Variants in KCNC2 observed in about 807,000 individuals in gnomAD.
KCNC2 encodes the protein potassium voltage-gated channel subfamily C member 2.
KCNC2 carries 21 observed loss-of-function variants against 44.5 expected under a neutral mutation model. The observed-to-expected ratio is 0.47, with a 90% confidence interval of 0.33 to 0.68. The LOEUF is 0.68. KCNC2 is among the 30% of genes least tolerant of loss of function. The probability of loss-of-function intolerance (pLI) is 0.01; values close to 1 mark genes in which losing one functional copy is unlikely to be tolerated. For missense variants in KCNC2, 589 were observed against 826.2 expected, an observed-to-expected ratio of 0.71 and a Z score of 3.52; for synonymous variants, 391 against 339.1, an observed-to-expected ratio of 1.15 and a Z score of -1.68.
chr12:75,128,460 T>G (rs989292789), intron 2 of KCNC2, among the ~76,000 whole-genome samples: 1 of 152,194 alleles, frequency 6.6e-6, no homozygotes, highest in African/African-American at 2.4e-5. Flanking sequence ...TAGTTTTAAC[T>G]GTAAGAACCT....
rs571407578 is a variant in KCNC2 at position 75,174,323 on chromosome 12, T to C, written c.687+32974A>G. 4.3e-4 allele frequency among the ~76,000 whole-genome samples: 65 copies of C among 152,032 alleles called. 1 individual carries two copies. Among genetic ancestry groups the C allele is most frequent in the African/African-American group, 1.6e-3 (65 of 41,514 alleles). Reference sequence around the variant, plus strand: ...TCGGAATTATTGAATTTACTAAATATGTGGCTAAAATGTCATAAAATGAAT... The same window carrying C: ...TCGGAATTATTGAATTTACTAAATACGTGGCTAAAATGTCATAAAATGAAT... On this transcript the variant is annotated intron_variant, in intron 2 of 4. Transcript: ENST00000549446.
chr12:75,164,928 T>G lies in KCNC2; in HGVS notation c.687+42369A>C, dbSNP rs142108157. On this transcript the variant is annotated intron_variant, in intron 2 of 4. Coordinates refer to ENST00000549446, the MANE Select transcript of KCNC2 (RefSeq NM_139137.4). Reference sequence around the variant, plus strand: ...TTTCCAAGTGTGTGCTTCCTTAACATTAGTACCAAAGTGTCCACCAACCTA... The same window carrying G: ...TTTCCAAGTGTGTGCTTCCTTAACAGTAGTACCAAAGTGTCCACCAACCTA... 1.9e-3 allele frequency among the ~76,000 whole-genome samples: 293 copies of G among 151,812 alleles called. 2 individuals carry two copies. The highest frequency in any genetic ancestry group is 6.7e-3 in the African/African-American group (277 of 41,496).
rs549916593 is a variant in KCNC2 at position 75,203,420 on chromosome 12, A to G, written c.687+3877T>C. ...TGCTAATAATATGAATATTTTCAAG[A>G]TTTAAAAAATGATAGATTCGCTATC... On this transcript the variant is annotated intron_variant, in intron 2 of 4. Transcript: ENST00000549446. Among the ~76,000 whole-genome samples, 5 of 151,966 alleles carry G rather than the reference A, an allele frequency of 3.3e-5. No individual in the cohort carries two copies. In the East Asian group the frequency reaches 9.6e-4, roughly 29 times the overall value.
chr12:75,105,920 T>TC (rs1473315284), intron 2 of KCNC2, among the ~76,000 whole-genome samples: 1 of 151,914 alleles, frequency 6.6e-6, no homozygotes, highest in Non-Finnish European at 1.5e-5. Flanking sequence ...TCTTTCTTTT[T>TC]TTTTTTAGAC....
chr12:75,138,979 T>TAAAAAAAAAAAAAAAAAAAAACA (rs1889438592), intron 2 of KCNC2, among the ~76,000 whole-genome samples: 1 of 77,928 alleles, frequency 1.3e-5, no homozygotes, highest in Non-Finnish European at 2.5e-5. Flanking sequence ...AGACTCCGTG[T>TAAAAAAAAAAAAAAAAAAAAACA]AAAAAAAAAA....
intron 2 of KCNC2, among the ~76,000 whole-genome samples, chr12:75,147,017 A>C (rs1890071974): frequency 6.6e-6 from 1 of 152,226 alleles, no homozygotes; most frequent in Non-Finnish European, 1.5e-5. Flanking sequence ...CTTTATACTT[A>C]GAAAATACAG....
At chr12:75,065,743 T>A (rs1005602151) in intron 2 of KCNC2, among the ~76,000 whole-genome samples, 1 of 152,100 alleles carries the variant, frequency 6.6e-6, no homozygotes, top group African/African-American at 2.4e-5. Context: ...TGTTCACACA[T>A]AACAACAATG....
intron 2 of KCNC2, among the ~76,000 whole-genome samples, chr12:75,189,721 T>A (rs2030009893): frequency 6.6e-6 from 1 of 152,156 alleles, no homozygotes; most frequent in Non-Finnish European, 1.5e-5. Flanking sequence ...GCATTCAGAG[T>A]GAAGTTAGGC....
At chr12:75,051,360 T>G (rs1881150738) in intron 2 of KCNC2, 43 bp from the exon 3 acceptor site, 2 of 1,081,214 alleles carry the variant, frequency 1.8e-6, no homozygotes. Flanking sequence ...GTGATCTGAA[T>G]CGTAATATAT....
chr12:75,070,214 C>G (rs71460118), intron 2 of KCNC2, among the ~76,000 whole-genome samples: 24,904 of 151,942 alleles, frequency 0.16, 2,411 homozygotes, highest in Admixed American at 0.26. Context: ...TTTTGGGAAG[C>G]CGAGGCAGGC....
At chr12:75,099,026 AT>A (rs1232389954) in intron 2 of KCNC2, among the ~76,000 whole-genome samples, 16 of 152,102 alleles carry the variant, frequency 1.1e-4, no homozygotes, top group Admixed American at 1.0e-3. Context: ...GTGAGCAAAA[AT>A]ATCTTCTATT....
chr12:75,143,081 A>G (rs928869594), intron 2 of KCNC2, among the ~76,000 whole-genome samples: 4 of 152,146 alleles, frequency 2.6e-5, no homozygotes, highest in African/African-American at 9.7e-5. Flanking sequence ...GGTCCGTCTC[A>G]GAGGCCTTTA....
chr12:75,189,009 T>C (rs1477093779), intron 2 of KCNC2, among the ~76,000 whole-genome samples: 1 of 152,186 alleles, frequency 6.6e-6, no homozygotes, highest in African/African-American at 2.4e-5. Context: ...TTGAGAATAG[T>C]TAAGAGTTGA....
intron 2 of KCNC2, among the ~76,000 whole-genome samples, chr12:75,185,263 A>G (rs1185139630): frequency 2.6e-5 from 4 of 152,158 alleles, no homozygotes; most frequent in African/African-American, 9.6e-5. Context: ...GTGATTGATA[A>G]GTTTCAGTTA....
chr12:75,195,277 G>T (rs2030664010), intron 2 of KCNC2, among the ~76,000 whole-genome samples: 1 of 151,960 alleles, frequency 6.6e-6, no homozygotes, highest in Non-Finnish European at 1.5e-5. Flanking sequence ...ATCTTAACTG[G>T]CATACTCAGC....
intron 2 of KCNC2, among the ~76,000 whole-genome samples, chr12:75,119,064 G>T (rs1158839609): frequency 1.3e-5 from 2 of 152,150 alleles, no homozygotes; most frequent in African/African-American, 4.8e-5. Flanking sequence ...AAATTACAAA[G>T]AATAAAACAA....
chr12:75,133,696 GT>G (rs767092260), intron 2 of KCNC2, among the ~76,000 whole-genome samples: 21 of 151,900 alleles, frequency 1.4e-4, no homozygotes, highest in Non-Finnish European at 2.2e-4. Context: ...GTCTGATATA[GT>G]TTTTGAAATT....
intron 2 of KCNC2, among the ~76,000 whole-genome samples, chr12:75,108,196 A>T (rs1886942091): frequency 6.6e-6 from 1 of 152,198 alleles, no homozygotes; most frequent in African/African-American, 2.4e-5. Flanking sequence ...TCCAAGAAGG[A>T]TTAATTAACA....
rs545957120 is a variant in KCNC2, at chr12:75,209,828, T to C, written c.-641A>G. 1 of 152,286 alleles carries C rather than the reference T, an allele frequency of 6.6e-6. No homozygotes were observed. Among genetic ancestry groups the C allele is most frequent in the East Asian group, 1.9e-4 (1 of 5,140 alleles). The allele number at this position is 152,286 out of a possible 1,614,324, so 9.4% of individuals were successfully genotyped here. On this transcript the variant is annotated 5_prime_UTR_variant, in exon 1 of 5. Transcript: ENST00000549446. ...TCCGTGAAGCTCTGTCTCCACCCTC[T>C]CTGGAGCTTCTGCCTGCCTTATTTA...
Sources: allele counts gnomAD v4.1 joint callset (sites outside exome capture counted in the v4.1 genomes callset), GRCh38; gene constraint gnomAD v4.1.1; transcripts MANE v1.5; gene names NCBI Gene and HGNC (gene_info 2026-07-23, HGNC 2026-07-21).